CTNNA3: variants seen among roughly 807,000 people sequenced by gnomAD.
CTNNA3 encodes the protein catenin alpha 3.
CTNNA3 carries 76 observed loss-of-function variants against 95.7 expected under a neutral mutation model. The ratio of observed to expected loss-of-function variants is 0.79; its 90% CI spans 0.66 to 0.96. The LOEUF (loss-of-function observed/expected upper bound fraction) is 0.96, where lower values mean the gene tolerates loss of function less well. CTNNA3 is among the 40% of genes least tolerant of loss of function. The probability of loss-of-function intolerance (pLI) is 0.00; values close to 1 mark genes in which losing one functional copy is unlikely to be tolerated. For missense variants in CTNNA3, 1,191 were observed against 1,089.8 expected, an observed-to-expected ratio of 1.09 and a Z score of -1.31; for synonymous variants, 431 against 374.4, an observed-to-expected ratio of 1.15 and a Z score of -1.74.
intron 10 of CTNNA3, among the ~76,000 whole-genome samples, chr10:66,603,040 G>A (rs1195677050): frequency 1.3e-5 from 2 of 152,070 alleles, no homozygotes; most frequent in East Asian, 1.9e-4. Context: ...ACAAGTCTAC[G>A]ATGCCCACTT....
At chr10:67,204,362 T>G (rs1216515692) in intron 6 of CTNNA3, among the ~76,000 whole-genome samples, 2 of 147,764 alleles carry the variant, frequency 1.4e-5, no homozygotes, top group Non-Finnish European at 2.9e-5. Context: ...TTTGAAAGTG[T>G]ATGGCACCTC....
At chr10:66,309,719 G>C (rs1204638152) in intron 12 of CTNNA3, among the ~76,000 whole-genome samples, 2 of 116,250 alleles carry the variant, frequency 1.7e-5, no homozygotes, top group Admixed American at 9.3e-5. Flanking sequence ...AAAAGGGTTA[G>C]ATTCCAACCT....
intron 7 of CTNNA3, among the ~76,000 whole-genome samples, chr10:66,932,395 A>G (rs1487519904): frequency 6.6e-6 from 1 of 152,188 alleles, no homozygotes; most frequent in African/African-American, 2.4e-5. Context: ...GCCTGAGATA[A>G]AGTGAGTTCC....
chr10:66,215,443 C>A (rs1196536556), intron 13 of CTNNA3, among the ~76,000 whole-genome samples: 2 of 152,152 alleles, frequency 1.3e-5, no homozygotes, highest in African/African-American at 4.8e-5. Flanking sequence ...GAGGAAACTA[C>A]CCACTTCTGG....
At chr10:67,610,504 A>G in intron 2 of CTNNA3, among the ~76,000 whole-genome samples, 1 of 152,236 alleles carries the variant, frequency 6.6e-6, no homozygotes, top group East Asian at 1.9e-4. Flanking sequence ...TCCTGTGGAA[A>G]AAAAGAAAGC....
chr10:67,235,230 A>C (rs1314249392), intron 5 of CTNNA3, among the ~76,000 whole-genome samples: 1 of 151,800 alleles, frequency 6.6e-6, no homozygotes, highest in Non-Finnish European at 1.5e-5. Context: ...AAAAGAACAA[A>C]GCTGGAGGCA....
At chr10:66,938,272 G>T (rs955407777) in intron 7 of CTNNA3, among the ~76,000 whole-genome samples, 1 of 151,916 alleles carries the variant, frequency 6.6e-6, no homozygotes, top group East Asian at 1.9e-4. Context: ...CAATGTGAGG[G>T]TCAAGAGAAC....
Position 67,750,508 on chromosome 10 carries a change from C to T in CTNNA3, c.-2+12926G>A, listed in dbSNP as rs539514098. ...CTGTAAAGCGGGAGGACCTCTTCAT[C>T]ATCAACAAGTTGTGGCCCACTTTCT... On this transcript the variant is annotated intron_variant, in intron 1 of 17. Coordinates refer to the CTNNA3 transcript ENST00000684154. 20 of 1,564,538 alleles carry T rather than the reference C, an allele frequency of 1.3e-5. 1 individual carries two copies. The South Asian group carries it at 1.9e-4, about 15-fold the overall frequency.
At chr10:66,172,979 G>C (rs1177426840) in intron 13 of CTNNA3, among the ~76,000 whole-genome samples, 1 of 152,114 alleles carries the variant, frequency 6.6e-6, no homozygotes, top group Non-Finnish European at 1.5e-5. Context: ...TAAGAAGACA[G>C]TAAAAGCATA....
intron 5 of CTNNA3, among the ~76,000 whole-genome samples, chr10:67,317,946 T>G (rs1374970910): frequency 6.6e-6 from 1 of 152,042 alleles, no homozygotes; most frequent in Non-Finnish European, 1.5e-5. Flanking sequence ...CTTAATAAAC[T>G]TTTTCTTTGT....
At chr10:66,673,785 T>C (rs761965554) in intron 9 of CTNNA3, among the ~76,000 whole-genome samples, 2 of 151,970 alleles carry the variant, frequency 1.3e-5, no homozygotes, top group Admixed American at 1.3e-4. Context: ...CAGGAGTTTT[T>C]ATTTTTATTT....
chr10:67,743,465 A>G (rs1031772740), intron 1 of CTNNA3, among the ~76,000 whole-genome samples: 7 of 151,396 alleles, frequency 4.6e-5, no homozygotes, highest in African/African-American at 1.7e-4. Flanking sequence ...TTCATGCTAA[A>G]AACTCTCAAT....
intron 5 of CTNNA3, among the ~76,000 whole-genome samples, chr10:67,269,064 T>G (rs564222465): frequency 3.9e-5 from 6 of 152,276 alleles, no homozygotes; most frequent in African/African-American, 1.4e-4. Context: ...GTATGGCACA[T>G]GTGAGTGCAG....
intron 15 of CTNNA3, among the ~76,000 whole-genome samples, chr10:66,058,884 T>C (rs2080138113): frequency 6.6e-6 from 1 of 152,176 alleles, no homozygotes; most frequent in Non-Finnish European, 1.5e-5. Flanking sequence ...ATACATGCTT[T>C]CTCTTGGGTA....
At chr10:66,691,788 A>G (rs1170680164) in intron 9 of CTNNA3, among the ~76,000 whole-genome samples, 1 of 152,200 alleles carries the variant, frequency 6.6e-6, no homozygotes, top group Non-Finnish European at 1.5e-5. Flanking sequence ...ATCAGACAGC[A>G]GCATTCGCGG....
intron 7 of CTNNA3, among the ~76,000 whole-genome samples, chr10:67,144,997 T>C (rs1271303055): frequency 6.6e-6 from 1 of 152,124 alleles, no homozygotes; most frequent in Non-Finnish European, 1.5e-5. Context: ...TAGAGGGCAC[T>C]GTAGGGTTAT....
intron 11 of CTNNA3, among the ~76,000 whole-genome samples, chr10:66,473,797 A>G (rs887871335): frequency 1.3e-5 from 2 of 152,164 alleles, no homozygotes; most frequent in Admixed American, 6.6e-5. Context: ...TAGTTTGCTG[A>G]GAATGATGGT....
intron 7 of CTNNA3, among the ~76,000 whole-genome samples, chr10:66,984,925 A>G (rs1336472034): frequency 6.6e-6 from 1 of 152,118 alleles, no homozygotes; most frequent in Non-Finnish European, 1.5e-5. Flanking sequence ...CAATAAGAAC[A>G]TTAATTCAAG....
At chr10:66,329,292 C>G (rs1342652281) in intron 12 of CTNNA3, among the ~76,000 whole-genome samples, 1 of 151,858 alleles carries the variant, frequency 6.6e-6, no homozygotes, top group Non-Finnish European at 1.5e-5. Context: ...TTGCTCTATT[C>G]TGGGACCTCA....
Sources: gnomAD v4.1 joint callset for allele counts (sites outside exome capture counted in the v4.1 genomes callset) on GRCh38, gnomAD v4.1.1 for gene constraint, MANE v1.5 for transcripts, NCBI Gene and HGNC (gene_info 2026-07-23, HGNC 2026-07-21) for gene names.